The following CPA6 variants were observed in gnomAD, a reference collection of about 807,000 sequenced individuals.
The protein encoded by CPA6 is carboxypeptidase A6.
A neutral mutation model predicts 63.3 loss-of-function variants in CPA6; 58 were observed. The ratio of observed to expected loss-of-function variants is 0.92; its 90% confidence interval spans 0.74 to 1.14. The LOEUF (loss-of-function observed/expected upper bound fraction) is 1.14, where lower values mean the gene tolerates loss of function less well. Among genes scored for constraint, CPA6 ranks in the 50% most tolerant of loss-of-function variants. The probability of loss-of-function intolerance (pLI) is 0.00; values close to 1 mark genes in which losing one functional copy is unlikely to be tolerated. For synonymous variants in CPA6, 185 were observed against 179.0 expected, an observed-to-expected ratio of 1.03 and a Z score of -0.27; for missense variants, 565 against 526.6, an observed-to-expected ratio of 1.07 and a Z score of -0.71.
chr8:67,534,988 T>G (rs1050586371), intron 2 of CPA6, among the ~76,000 whole-genome samples: 1 of 152,224 alleles, frequency 6.6e-6, no homozygotes, highest in African/African-American at 2.4e-5. Flanking sequence ...TGCGTTAGAC[T>G]GCTGAGAATG....
chr8:67,446,791 G>T (rs898674182), intron 8 of CPA6, among the ~76,000 whole-genome samples: 6 of 152,066 alleles, frequency 3.9e-5, no homozygotes, highest in Non-Finnish European at 5.9e-5. Context: ...TCTTTTAAAA[G>T]ATTTCTTTTT....
intron 1 of CPA6, among the ~76,000 whole-genome samples, chr8:67,675,540 T>A (rs1377365152): frequency 6.6e-6 from 1 of 152,160 alleles, no homozygotes; most frequent in East Asian, 1.9e-4. Flanking sequence ...AGTGACCCAC[T>A]AATTTTGAGT....
chr8:67,641,068 G>C (rs1448265571), intron 1 of CPA6, among the ~76,000 whole-genome samples: 1 of 151,770 alleles, frequency 6.6e-6, no homozygotes, highest in Non-Finnish European at 1.5e-5. Context: ...ACTGCTGCTT[G>C]TGCAGCTGCT....
intron 8 of CPA6, among the ~76,000 whole-genome samples, chr8:67,442,246 G>A (rs192696271): frequency 4.3e-4 from 65 of 152,072 alleles, no homozygotes; most frequent in Middle Eastern, 6.8e-3. Flanking sequence ...ATATGAAGAA[G>A]CCACAGACCC....
At chr8:67,714,443 C>T (rs1015184970) in intron 1 of CPA6, among the ~76,000 whole-genome samples, 1 of 152,194 alleles carries the variant, frequency 6.6e-6, no homozygotes, top group African/African-American at 2.4e-5. Context: ...ACGTTTAAAG[C>T]TTAAATTGCA....
chr8:67,632,011 G>A (rs1453195729), intron 1 of CPA6, among the ~76,000 whole-genome samples: 1 of 152,182 alleles, frequency 6.6e-6, no homozygotes, highest in Non-Finnish European at 1.5e-5. Flanking sequence ...GCGAGGGTCC[G>A]TGGCTTCATT....
At chr8:67,493,163 A>G (rs997457193) in intron 6 of CPA6, among the ~76,000 whole-genome samples, 6 of 152,144 alleles carry the variant, frequency 3.9e-5, no homozygotes, top group Non-Finnish European at 4.4e-5. Context: ...TAGCTGTCTC[A>G]ATTATTTATT....
intron 2 of CPA6, among the ~76,000 whole-genome samples, chr8:67,587,565 C>A (rs1459792802): frequency 6.6e-6 from 1 of 152,008 alleles, no homozygotes; most frequent in Non-Finnish European, 1.5e-5. Context: ...GGTAATGTCA[C>A]GTCATCATTG....
chr8:67,745,937 G>A (rs2129004964), intron 1 of CPA6, 77 bp downstream of exon 1: 1 of 992,842 alleles, frequency 1.0e-6, no homozygotes, highest in African/African-American at 1.6e-5. Flanking sequence ...ATCAGAAAAA[G>A]TGAGGCACAC....
chr8:67,466,760 T>C (rs1375455562), intron 8 of CPA6, among the ~76,000 whole-genome samples: 1 of 152,202 alleles, frequency 6.6e-6, no homozygotes. Context: ...CATGTGACTG[T>C]GTGGTTGAGA....
At chr8:67,595,746 A>G (rs1814312924) in intron 2 of CPA6, among the ~76,000 whole-genome samples, 1 of 152,200 alleles carries the variant, frequency 6.6e-6, no homozygotes, top group South Asian at 2.1e-4. Context: ...AAAGTGCAGT[A>G]TTCGGGTGGG....
chr8:67,609,055 T>G (rs1481076480), intron 2 of CPA6, among the ~76,000 whole-genome samples: 1 of 152,222 alleles, frequency 6.6e-6, no homozygotes, highest in African/African-American at 2.4e-5. Flanking sequence ...CATGTGTCAC[T>G]CTATGGTATC....
chr8:67,633,455 G>T (rs1815390022), intron 1 of CPA6, among the ~76,000 whole-genome samples: 1 of 152,206 alleles, frequency 6.6e-6, no homozygotes, highest in South Asian at 2.1e-4. Context: ...GCCAAGGCGG[G>T]TGGATCACGA....
At chr8:67,692,910 A>G (rs1219547508) in intron 1 of CPA6, among the ~76,000 whole-genome samples, 1 of 152,212 alleles carries the variant, frequency 6.6e-6, no homozygotes, top group Non-Finnish European at 1.5e-5. Flanking sequence ...TATATTCACT[A>G]CGAGTCATAC....
chr8:67,544,809 A>G (rs1812778928), intron 2 of CPA6, among the ~76,000 whole-genome samples: 1 of 152,132 alleles, frequency 6.6e-6, no homozygotes, highest in East Asian at 1.9e-4. Context: ...CCAGGATGCA[A>G]GCAGAGCTTA....
At chr8:67,745,324 C>G (rs1333083557) in intron 1 of CPA6, among the ~76,000 whole-genome samples, 4 of 152,138 alleles carry the variant, frequency 2.6e-5, no homozygotes, top group African/African-American at 9.7e-5. Context: ...CCACAGCAAG[C>G]CTTCAGGATA....
intron 2 of CPA6, among the ~76,000 whole-genome samples, chr8:67,562,811 T>C (rs374477838): frequency 1.3e-5 from 2 of 152,244 alleles, no homozygotes; most frequent in African/African-American, 2.4e-5. Flanking sequence ...TGATCTTGGA[T>C]TACCCTGAAT....
At chr8:67,692,362 T>C (rs975029846) in intron 1 of CPA6, among the ~76,000 whole-genome samples, 5 of 148,904 alleles carry the variant, frequency 3.4e-5, no homozygotes, top group Admixed American at 2.7e-4. Flanking sequence ...GAACAAGAGA[T>C]TGGTAAAACT....
chr8:67,443,421 T>C (rs972569538), intron 8 of CPA6, among the ~76,000 whole-genome samples: 1 of 152,180 alleles, frequency 6.6e-6, no homozygotes, highest in South Asian at 2.1e-4. Flanking sequence ...TTCGAATACA[T>C]CTCTTGTCAT....
Sources: gnomAD v4.1 joint callset for allele counts (sites outside exome capture counted in the v4.1 genomes callset) on GRCh38, gnomAD v4.1.1 for gene constraint, MANE v1.5 for transcripts, NCBI Gene and HGNC (gene_info 2026-07-23, HGNC 2026-07-21) for gene names.